The following MSRA variants were observed in gnomAD, a reference collection of about 807,000 sequenced individuals.
MSRA encodes methionine sulfoxide reductase A.
A neutral mutation model predicts 31.3 loss-of-function variants in MSRA; 54 were observed. The ratio of observed to expected loss-of-function variants is 1.73; its 90% CI spans 1.39 to 2.17. MSRA has a LOEUF of 2.17. MSRA is among the 30% of genes most tolerant of loss of function. The pLI, the probability that MSRA is intolerant of heterozygous loss-of-function variation, is 0.00. For missense variants in MSRA, 507 were observed against 300.9 expected (o/e 1.69, Z -5.07); for synonymous variants, 169 against 116.5 (o/e 1.45, Z -2.90).
intron 5 of MSRA, among the ~76,000 whole-genome samples, chr8:10,404,520 A>G (rs978196237): frequency 2.6e-5 from 4 of 152,190 alleles, no homozygotes; most frequent in South Asian, 2.1e-4. Context: ...CGCTCCTGCA[A>G]TAGGCCATCC....
At chr8:10,157,798 C>G (rs947053759) in intron 1 of MSRA, among the ~76,000 whole-genome samples, 5 of 152,038 alleles carry the variant, frequency 3.3e-5, no homozygotes, top group Non-Finnish European at 7.4e-5. Context: ...CTCTCTCTCC[C>G]CATCTCCCTG....
At position 10,404,490 on chromosome 8, in the gene MSRA, C is replaced by T. The variant is rs183844357; in HGVS notation, c.544-23658C>T. Reference sequence around the variant, plus strand: ...GGATGGCTTCAAAGTGAACAGTTGGCATTCCTGCGGGGTGGCCCTCGCTCC... The same window carrying T: ...GGATGGCTTCAAAGTGAACAGTTGGTATTCCTGCGGGGTGGCCCTCGCTCC... On this transcript the variant is annotated intron_variant, in intron 5 of 5. Coordinates refer to ENST00000317173, the MANE Select transcript of MSRA (RefSeq NM_012331.5). 4.3e-4 allele frequency among the ~76,000 whole-genome samples: 66 copies of T among 152,352 alleles called. No individual in the cohort carries two copies. In the East Asian group the frequency reaches 8.5e-3, roughly 20 times the overall value.
intron 3 of MSRA, among the ~76,000 whole-genome samples, chr8:10,299,234 G>A (rs772823297): frequency 7.2e-5 from 11 of 152,056 alleles, no homozygotes; most frequent in East Asian, 1.9e-4. Context: ...GCCTGTTTAC[G>A]TCTTTTGCTT....
chr8:10,181,276 C>T (rs557639466), intron 1 of MSRA, among the ~76,000 whole-genome samples: 1 of 152,212 alleles, frequency 6.6e-6, no homozygotes, highest in Non-Finnish European at 1.5e-5. Context: ...GAGTAGAAAC[C>T]TGCATGAAGT....
chr8:10,146,856 A>C (rs1803188194), intron 1 of MSRA, among the ~76,000 whole-genome samples: 1 of 152,162 alleles, frequency 6.6e-6, no homozygotes, highest in East Asian at 1.9e-4. Context: ...TTAGCCTGGA[A>C]GGGCTTGCTG....
intron 1 of MSRA, among the ~76,000 whole-genome samples, chr8:10,199,772 C>T (rs1430716578): frequency 6.6e-6 from 1 of 152,194 alleles, no homozygotes; most frequent in Non-Finnish European, 1.5e-5. Flanking sequence ...TATTTCCTCA[C>T]TCTTTGGGCT....
chr8:10,290,262 T>G lies in MSRA; in HGVS notation c.332-11272T>G, dbSNP rs777240401. The stretch of plus-strand genomic sequence containing the variant: ...TGAGTAGGAGGAGGCAGAAGTTGAC[T>G]TAATAAAGGCATGGATTTCTAGCAA... On this transcript the variant is annotated intron_variant, in intron 3 of 5. Transcript: ENST00000317173. Among the ~76,000 whole-genome samples the G allele has an allele frequency of 4.6e-5, 7 of 152,280 alleles. No homozygotes were observed. The East Asian group carries it at 1.2e-3, about 25-fold the overall frequency.
chr8:10,214,626 G>C (rs957022233), intron 2 of MSRA, among the ~76,000 whole-genome samples: 19 of 152,104 alleles, frequency 1.2e-4, no homozygotes, highest in African/African-American at 4.1e-4. Flanking sequence ...CAGGAAAAAG[G>C]CCAGAAAGAA....
At chr8:10,083,475 C>G (rs1340668579) in intron 1 of MSRA, among the ~76,000 whole-genome samples, 1 of 152,112 alleles carries the variant, frequency 6.6e-6, no homozygotes, top group African/African-American at 2.4e-5. Context: ...TATTTGATAT[C>G]CACGGAAATC....
chr8:10,331,847 G>T (rs1282008393), intron 5 of MSRA, among the ~76,000 whole-genome samples: 1 of 152,010 alleles, frequency 6.6e-6, no homozygotes, highest in African/African-American at 2.4e-5. Context: ...AAATAGTTAT[G>T]CTGTATTCTT....
Position 10,301,519 on chromosome 8 carries a change from TTTG to T in MSRA, c.332-12_332-10del, listed in dbSNP as rs761471963. ...TTGTCAGTAAATTTCGGTTGTACGTTTTGTTTTTTCCAAGAAAAAACTGGCCAT... is the reference window on the plus strand; with the variant it reads ...TTGTCAGTAAATTTCGGTTGTACGTTTTTTTTCCAAGAAAAAACTGGCCAT... On this transcript the variant is annotated splice_polypyrimidine_tract_variant and intron_variant, in intron 3 of 5. Transcript: ENST00000317173. 6.9e-6 allele frequency: 11 copies of T among 1,600,952 alleles called. No homozygotes were observed. The highest frequency in any genetic ancestry group is 7.7e-6 in the Non-Finnish European group (9 of 1,173,794).
intron 1 of MSRA, among the ~76,000 whole-genome samples, chr8:10,163,037 C>T (rs952819048): frequency 5.9e-5 from 9 of 151,986 alleles, no homozygotes; most frequent in African/African-American, 1.9e-4. Context: ...AGAGTGCGAC[C>T]CTCATGAATG....
At chr8:10,109,076 A>G (rs1994224) in intron 1 of MSRA, among the ~76,000 whole-genome samples, 32,954 of 152,156 alleles carry the variant, frequency 0.22, 3,764 homozygotes, top group East Asian at 0.41. Flanking sequence ...TGGCCAGCGC[A>G]TTCCCTTTCT....
intron 5 of MSRA, chr8:10,336,800 A>G (rs1326400595): frequency 6.6e-6 from 1 of 152,234 alleles, no homozygotes; most frequent in Non-Finnish European, 1.5e-5. Context: ...TCTAGGCCAC[A>G]TTGAGGCAAT....
At chr8:10,134,904 C>A (rs1402504973) in intron 1 of MSRA, among the ~76,000 whole-genome samples, 1 of 152,206 alleles carries the variant, frequency 6.6e-6, no homozygotes, top group Non-Finnish European at 1.5e-5. Context: ...AGAGCTCTTG[C>A]CCCGGAGTGT....
intron 5 of MSRA, among the ~76,000 whole-genome samples, chr8:10,386,911 A>G (rs1423835515): frequency 6.6e-6 from 1 of 150,676 alleles, no homozygotes; most frequent in African/African-American, 2.4e-5. Context: ...AAGAGTCTTC[A>G]GAAAAATTAG....
chr8:10,293,984 A>C (rs1800392266), intron 3 of MSRA, among the ~76,000 whole-genome samples: 1 of 152,068 alleles, frequency 6.6e-6, no homozygotes, highest in Admixed American at 6.5e-5. Flanking sequence ...TGGGAGGATC[A>C]CCTGAGGTTA....
At chr8:10,170,098 G>A (rs1402983022) in intron 1 of MSRA, among the ~76,000 whole-genome samples, 1 of 145,806 alleles carries the variant, frequency 6.9e-6, no homozygotes, top group African/African-American at 2.6e-5. Flanking sequence ...TGTTAGTCAG[G>A]TAGTCTTGAA....
rs59214291 is a variant in MSRA, at chr8:10,327,820, C to G, written c.543+7831C>G. 2.1e-3 allele frequency among the ~76,000 whole-genome samples: 318 copies of G among 152,128 alleles called. 5 individuals are homozygous for G. The highest frequency in any genetic ancestry group is 7.3e-3 in the African/African-American group (302 of 41,498). On this transcript the variant is annotated intron_variant, in intron 5 of 5. Coordinates refer to ENST00000317173, the MANE Select transcript of MSRA (RefSeq NM_012331.5). ...TGGTGGTGGGCGCCTGTAGTCCCAG[C>G]TACTCATGAGGCTGAGGCAGGAGAA...
Sources: allele counts gnomAD v4.1 joint callset (sites outside exome capture counted in the v4.1 genomes callset), GRCh38; gene constraint gnomAD v4.1.1; transcripts MANE v1.5; gene names NCBI Gene and HGNC (gene_info 2026-07-23, HGNC 2026-07-21).